The following IFT88 variants were observed in gnomAD, a reference collection of about 807,000 sequenced individuals.
IFT88 encodes the protein intraflagellar transport 88, also known as intraflagellar transport protein 88 homolog.
IFT88 carries 74 observed loss-of-function variants against 119.5 expected under a neutral mutation model. That is an observed-to-expected ratio of 0.62 (90% CI 0.51 to 0.75). IFT88 has a LOEUF of 0.75. IFT88 is among the 30% of genes least tolerant of loss of function. IFT88 has a pLI of 0.00. For missense variants in IFT88, 961 were observed against 977.7 expected, an observed-to-expected ratio of 0.98 and a Z score of 0.23; for synonymous variants, 279 against 316.7, an observed-to-expected ratio of 0.88 and a Z score of 1.26.
chr13:20,684,812 G>A (rs903122031), intron 24 of IFT88, among the ~76,000 whole-genome samples: 2 of 152,224 alleles, frequency 1.3e-5, no homozygotes, highest in South Asian at 4.1e-4. Context: ...TTGCTTAAGA[G>A]TACTCGGGTG....
intron 4 of IFT88, among the ~76,000 whole-genome samples, chr13:20,590,096 C>G (rs1426219028): frequency 2.0e-5 from 3 of 151,864 alleles, no homozygotes; most frequent in Admixed American, 1.3e-4. Flanking sequence ...ATTTGTAAAC[C>G]CTGTGTTCGT....
At chr13:20,659,772 T>C (rs1015516080) in intron 22 of IFT88, among the ~76,000 whole-genome samples, 2 of 151,904 alleles carry the variant, frequency 1.3e-5, no homozygotes, top group African/African-American at 4.8e-5. Flanking sequence ...GCCTCCCAAG[T>C]AGCTGGGATT....
chr13:20,663,298 G>A (rs765820064), intron 22 of IFT88, 200 bp from the exon 23 acceptor site: 235 of 1,495,600 alleles, frequency 1.6e-4, no homozygotes, highest in East Asian at 1.2e-3. Flanking sequence ...CATGGAGAGA[G>A]ACCCTTTAAA....
intron 19 of IFT88, among the ~76,000 whole-genome samples, chr13:20,644,058 A>C (rs1160090286): frequency 1.3e-5 from 2 of 151,834 alleles, no homozygotes; most frequent in African/African-American, 4.8e-5. Flanking sequence ...TTAGTTTTTT[A>C]CTTGTTTTAA....
intron 14 of IFT88, among the ~76,000 whole-genome samples, chr13:20,616,232 G>A (rs913545202): frequency 2.0e-5 from 3 of 152,152 alleles, no homozygotes; most frequent in African/African-American, 7.2e-5. Context: ...TGTTTGTGGT[G>A]ATGCTGATAT....
chr13:20,627,337 T>A (rs2497488), intron 15 of IFT88, among the ~76,000 whole-genome samples: 99,326 of 152,050 alleles, frequency 0.65, 33,434 homozygotes, highest in Middle Eastern at 0.77. Context: ...TGGACAAGAA[T>A]AATTTTGTGT....
In IFT88 at chr13:20,579,762, C is replaced by T. The variant is rs150230462; in HGVS notation, c.91-3195C>T. 9.8e-3 allele frequency among the ~76,000 whole-genome samples: 1,491 copies of T among 152,324 alleles called. 9 individuals carry two copies. Among genetic ancestry groups the T allele is most frequent in the Middle Eastern group, 0.02 (6 of 294 alleles). On this transcript the variant is annotated intron_variant, in intron 2 of 25. Coordinates refer to ENST00000351808, the MANE Select transcript of IFT88 (RefSeq NM_006531.5). ...CCACAGCTGTGAATGTGCTGGGTCA[C>T]ACCTGAAACCAGTAGATCTCAGAGT...
chr13:20,597,700 T>TGA lies in IFT88; in HGVS notation c.594+582_594+583insAG, dbSNP rs1566128604. ...CGGAGCTTGCGGCGAGCCAAGATCT[T>TGA]GCCACCACACTCCAGAGCCTGGGCG... is the stretch of plus-strand genomic sequence containing the variant. On this transcript the variant is annotated intron_variant, in intron 9 of 25. Coordinates refer to ENST00000351808, the MANE Select transcript of IFT88 (RefSeq NM_006531.5). Among the ~76,000 whole-genome samples the TGA allele has an allele frequency of 3.3e-5, 5 of 149,288 alleles. No individual in the cohort carries two copies. In the South Asian group the frequency reaches 1.1e-3, roughly 31 times the overall value.
intron 16 of IFT88, among the ~76,000 whole-genome samples, chr13:20,638,066 C>T (rs1003511001): frequency 6.6e-6 from 1 of 152,056 alleles, no homozygotes; most frequent in African/African-American, 2.4e-5. Flanking sequence ...GCAATTTGGG[C>T]GTTGAGTATG....
intron 22 of IFT88, among the ~76,000 whole-genome samples, chr13:20,661,042 C>A (rs1055870357): frequency 1.3e-5 from 2 of 152,154 alleles, no homozygotes; most frequent in African/African-American, 4.8e-5. Flanking sequence ...CTTTTACCAA[C>A]TATTTTTTAT....
At chr13:20,575,851 A>G (rs1243187687) in intron 2 of IFT88, among the ~76,000 whole-genome samples, 1 of 152,252 alleles carries the variant, frequency 6.6e-6, no homozygotes, top group African/African-American at 2.4e-5. Context: ...ACGGCCTGGT[A>G]CATACTGATT....
chr13:20,591,792 T>TA, intron 6 of IFT88, 111 bp downstream of exon 6: 1 of 700,192 alleles, frequency 1.4e-6, no homozygotes, highest in Non-Finnish European at 2.4e-6. Flanking sequence ...TGCCATTGAT[T>TA]ATAAGATGCA....
intron 24 of IFT88, among the ~76,000 whole-genome samples, chr13:20,687,968 A>G (rs1045100942): frequency 1.3e-5 from 2 of 152,244 alleles, no homozygotes; most frequent in East Asian, 3.8e-4. Context: ...GCCAGAGCAG[A>G]GGTCGGATCA....
intron 24 of IFT88, among the ~76,000 whole-genome samples, chr13:20,687,840 A>C (rs2058096675): frequency 6.6e-6 from 1 of 151,186 alleles, no homozygotes; most frequent in Non-Finnish European, 1.5e-5. Context: ...AAAAAGATCT[A>C]GAAAGTTTAA....
At chr13:20,645,314 TCCTGACCTCAGGTGATCCACCTG>T (rs1164896802) in intron 20 of IFT88, among the ~76,000 whole-genome samples, 1 of 152,188 alleles carries the variant, frequency 6.6e-6, no homozygotes, top group African/African-American at 2.4e-5. Context: ...GGTCTCGAAC[TCCTGACCTCAGGTGATCCACCTG>T]CCTCAGCCTC....
chr13:20,568,126 G>C (rs2035315971), intron 1 of IFT88: 1 of 637,108 alleles, frequency 1.6e-6, no homozygotes. Context: ...GGAAAAGCTT[G>C]AAGTAGACTG....
chr13:20,573,253 C>T (rs532894804), intron 1 of IFT88, among the ~76,000 whole-genome samples: 1 of 152,084 alleles, frequency 6.6e-6, no homozygotes, highest in South Asian at 2.1e-4. Flanking sequence ...TGTAGCCAAT[C>T]ACTAATCAAC....
intron 9 of IFT88, among the ~76,000 whole-genome samples, chr13:20,597,978 T>G (rs2042033535): frequency 6.6e-6 from 1 of 151,988 alleles, no homozygotes; most frequent in Non-Finnish European, 1.5e-5. Flanking sequence ...GCCTCTAATT[T>G]CTAGCAACAT....
intron 24 of IFT88, 133 bp downstream of exon 24, chr13:20,671,172 A>T (rs766738530): frequency 5.7e-6 from 3 of 528,124 alleles, no homozygotes; most frequent in Middle Eastern, 2.8e-4. Flanking sequence ...GAAACTTCAC[A>T]TTAATTAATT....
Sources: allele counts gnomAD v4.1 joint callset (sites outside exome capture counted in the v4.1 genomes callset), GRCh38; gene constraint gnomAD v4.1.1; transcripts MANE v1.5; gene names NCBI Gene and HGNC (gene_info 2026-07-23, HGNC 2026-07-21).